The following DLG2 variants were observed in gnomAD, a reference collection of about 807,000 sequenced individuals.
DLG2 encodes discs large MAGUK scaffold protein 2, also known as disks large homolog 2.
DLG2 carries 45 observed loss-of-function variants against 132.5 expected under a neutral mutation model. The ratio of observed to expected loss-of-function variants is 0.34; its 90% CI spans 0.27 to 0.44. The LOEUF (loss-of-function observed/expected upper bound fraction) is 0.44. Ranked by LOEUF, DLG2 falls within the 20% of genes least tolerant of loss-of-function variation. The pLI is 1.00. For missense variants in DLG2, 1,045 were observed against 1,196.9 expected (o/e 0.87, Z 1.87); for synonymous variants, 424 against 419.6 (o/e 1.01, Z -0.13).
In DLG2 at chr11:84,317,147, C is replaced by G; in HGVS notation, c.520-65856G>C. On this transcript the variant is annotated intron_variant, in intron 7 of 27. Transcript: ENST00000376104. ...TTGCTTGGTGAGGTATGCATTCATA[C>G]TGCACTGATGCCTACTCTTTCCTTT... is the stretch of plus-strand genomic sequence containing the variant. 3.7e-6 allele frequency: 6 copies of G among 1,608,678 alleles called. 1 individual carries two copies. The South Asian group carries it at 6.6e-5, about 18-fold the overall frequency.
intron 9 of DLG2, among the ~76,000 whole-genome samples, chr11:84,154,154 T>C (rs762754652): frequency 4.6e-5 from 7 of 152,098 alleles, no homozygotes; most frequent in African/African-American, 7.2e-5. Context: ...CACGCCAACA[T>C]GCCCAGCTAA....
chr11:85,415,257 C>T (rs1352551663), intron 3 of DLG2, among the ~76,000 whole-genome samples: 1 of 152,034 alleles, frequency 6.6e-6, no homozygotes. Flanking sequence ...TCCAGTCTAA[C>T]ATTTATGGGC....
chr11:85,280,724 T>C (rs751304305), intron 4 of DLG2, among the ~76,000 whole-genome samples: 1 of 151,998 alleles, frequency 6.6e-6, no homozygotes, highest in Non-Finnish European at 1.5e-5. Flanking sequence ...TATTATAGTG[T>C]TGGCAGACAG....
chr11:83,512,580 G>A (rs1051983235), intron 21 of DLG2, among the ~76,000 whole-genome samples: 14 of 151,936 alleles, frequency 9.2e-5, no homozygotes, highest in Non-Finnish European at 2.1e-4. Context: ...TGTGCACAAT[G>A]TGCAGGTTTG....
chr11:84,071,755 A>T (rs186367106), intron 10 of DLG2, among the ~76,000 whole-genome samples: 2 of 152,330 alleles, frequency 1.3e-5, no homozygotes, highest in East Asian at 1.9e-4. Context: ...GTCTACATTT[A>T]AAAAATCCAA....
chr11:84,385,974 A>G (rs2098768302), intron 7 of DLG2, among the ~76,000 whole-genome samples: 1 of 152,258 alleles, frequency 6.6e-6, no homozygotes, highest in African/African-American at 2.4e-5. Context: ...ACCCCTAAGG[A>G]GTTAACTGTG....
intron 18 of DLG2, among the ~76,000 whole-genome samples, chr11:83,719,543 G>A (rs2087761284): frequency 1.3e-5 from 2 of 152,190 alleles, no homozygotes; most frequent in Non-Finnish European, 2.9e-5. Context: ...GGGAAGGTTA[G>A]CGGGCATGTG....
chr11:85,029,177 C>A (rs1235541580), intron 6 of DLG2, among the ~76,000 whole-genome samples: 2 of 146,606 alleles, frequency 1.4e-5, no homozygotes, highest in Non-Finnish European at 3.0e-5. Context: ...AACTGGAATT[C>A]ATCAAGTTAC....
chr11:83,840,495 GGCAAAGC>G lies in DLG2; in HGVS notation c.1566-6732_1566-6726del, dbSNP rs1368679451. On this transcript the variant is annotated intron_variant, in intron 16 of 27. Coordinates refer to ENST00000376104, the MANE Select transcript of DLG2 (RefSeq NM_001142699.3). ...AGATATAGATCACAAAACACAAATG[GGCAAAGC>G]AGGATGAGAAGGAAATATAGCAAAC... 3.9e-5 allele frequency among the ~76,000 whole-genome samples: 6 copies of G among 152,118 alleles called. No individual in the cohort carries two copies. In the East Asian group the frequency reaches 1.2e-3, roughly 29 times the overall value.
chr11:85,284,369 G>T (rs927325616), intron 4 of DLG2, among the ~76,000 whole-genome samples: 2 of 151,544 alleles, frequency 1.3e-5, no homozygotes, highest in Admixed American at 6.6e-5. Context: ...TATATGAGAG[G>T]CCTCAATATT....
Position 84,567,803 on chromosome 11 carries a change from C to A in DLG2, c.358-33072G>T, listed in dbSNP as rs570708390. On this transcript the variant is annotated intron_variant, in intron 6 of 27. Transcript: ENST00000376104. ...AGTTCAACAAGCAACTATCCACAGACAAGAACATCCTTTTGAAAACCCCAA... is the reference window on the plus strand; with the variant it reads ...AGTTCAACAAGCAACTATCCACAGAAAAGAACATCCTTTTGAAAACCCCAA... Among the ~76,000 whole-genome samples, 5 of 152,286 alleles carry A rather than the reference C, an allele frequency of 3.3e-5. No homozygotes were observed. In the South Asian group the frequency reaches 1.0e-3, roughly 32 times the overall value.
chr11:85,221,196 C>T (rs2074617593), intron 4 of DLG2, among the ~76,000 whole-genome samples: 1 of 151,952 alleles, frequency 6.6e-6, no homozygotes, highest in East Asian at 1.9e-4. Flanking sequence ...GTGCCCGCCA[C>T]CACACCCGGC....
At chr11:84,465,894 G>C (rs1353537178) in intron 7 of DLG2, among the ~76,000 whole-genome samples, 1 of 151,104 alleles carries the variant, frequency 6.6e-6, no homozygotes, top group Non-Finnish European at 1.5e-5. Flanking sequence ...TTGAGTTTTA[G>C]CAAACCATTT....
chr11:84,744,940 C>CCATAAAA (rs1555200285), intron 6 of DLG2, among the ~76,000 whole-genome samples: 2 of 149,522 alleles, frequency 1.3e-5, no homozygotes, highest in African/African-American at 4.9e-5. Flanking sequence ...CAAATCACCT[C>CCATAAAA]CATAAAACAC....
At chr11:85,367,790 A>G (rs1303988660) in intron 3 of DLG2, among the ~76,000 whole-genome samples, 1 of 152,122 alleles carries the variant, frequency 6.6e-6, no homozygotes, top group East Asian at 1.9e-4. Context: ...TATTACTATT[A>G]CCTATTTCGG....
At chr11:84,563,035 T>C (rs2099433400) in intron 6 of DLG2, among the ~76,000 whole-genome samples, 1 of 152,196 alleles carries the variant, frequency 6.6e-6, no homozygotes, top group Admixed American at 6.5e-5. Context: ...TACCAACTTT[T>C]ATAAAACCAC....
chr11:83,622,233 ATTAATTTG>A (rs1005210184), intron 19 of DLG2, among the ~76,000 whole-genome samples: 1 of 152,176 alleles, frequency 6.6e-6, no homozygotes, highest in African/African-American at 2.4e-5. Context: ...CGGCTTTGCT[ATTAATTTG>A]TGAACAAGAA....
At position 84,194,506 on chromosome 11, in the gene DLG2, G is replaced by A. The variant is rs115329367; in HGVS notation, c.574-30995C>T. Among the ~76,000 whole-genome samples, 438 of 152,286 alleles carry A rather than the reference G, an allele frequency of 2.9e-3. 4 individuals are homozygous for A. The highest frequency in any genetic ancestry group is 0.01 in the African/African-American group (426 of 41,552). On this transcript the variant is annotated intron_variant, in intron 8 of 27. Coordinates refer to ENST00000376104, the MANE Select transcript of DLG2 (RefSeq NM_001142699.3). ...AAGAACAAAGACCCGAGTGGCTTGC[G>A]CTGTTGGCTTGGGCAGTCTGCTTTT...
chr11:84,427,474 G>A (rs1287304720), intron 7 of DLG2, among the ~76,000 whole-genome samples: 2 of 152,048 alleles, frequency 1.3e-5, no homozygotes, highest in Non-Finnish European at 2.9e-5. Context: ...CTGTTCTTGG[G>A]TGGTGTGCCA....
Sources: gnomAD v4.1 joint callset for allele counts (sites outside exome capture counted in the v4.1 genomes callset) on GRCh38, gnomAD v4.1.1 for gene constraint, MANE v1.5 for transcripts, NCBI Gene and HGNC (gene_info 2026-07-23, HGNC 2026-07-21) for gene names.